The following MMP16 variants were observed in gnomAD, a reference collection of about 807,000 sequenced individuals.
MMP16 encodes the protein matrix metalloproteinase-16.
MMP16 carries 12 observed loss-of-function variants against 67.8 expected under a neutral mutation model. The ratio of observed to expected loss-of-function variants is 0.18; its 90% CI spans 0.11 to 0.29. The LOEUF is 0.29. MMP16 is among the 10% of genes least tolerant of loss of function. The pLI is 1.00. For synonymous variants in MMP16, 249 were observed against 255.9 expected (o/e 0.97, Z 0.26); for missense variants, 475 against 765.7 (o/e 0.62, Z 4.48).
At chr8:88,083,744 T>A (rs1046086165) in intron 6 of MMP16, among the ~76,000 whole-genome samples, 1 of 152,014 alleles carries the variant, frequency 6.6e-6, no homozygotes, top group Non-Finnish European at 1.5e-5. Flanking sequence ...GAATGCCTAA[T>A]GCAGAAGGGA....
intron 1 of MMP16, among the ~76,000 whole-genome samples, chr8:88,285,062 T>G (rs538527182): frequency 6.6e-6 from 1 of 152,298 alleles, no homozygotes; most frequent in East Asian, 1.9e-4. Flanking sequence ...TGTACCTCAT[T>G]TATTTGTCCA....
At chr8:88,278,956 T>G (rs1297133752) in intron 1 of MMP16, among the ~76,000 whole-genome samples, 2 of 152,146 alleles carry the variant, frequency 1.3e-5, no homozygotes, top group African/African-American at 2.4e-5. Context: ...ACTAGACTCA[T>G]GTGGCTATTG....
At chr8:88,161,647 G>T (rs1808625841) in intron 4 of MMP16, among the ~76,000 whole-genome samples, 1 of 151,944 alleles carries the variant, frequency 6.6e-6, no homozygotes, top group Non-Finnish European at 1.5e-5. Flanking sequence ...TGATGTTAGG[G>T]TGTTAATTTT....
chr8:88,286,072 A>ATT (rs1563584315), intron 1 of MMP16, among the ~76,000 whole-genome samples: 1 of 152,172 alleles, frequency 6.6e-6, no homozygotes, highest in Non-Finnish European at 1.5e-5. Context: ...ATAGGGATGC[A>ATT]TTCAAGGAGC....
At chr8:88,185,456 C>A (rs534597616) in intron 3 of MMP16, among the ~76,000 whole-genome samples, 1 of 151,810 alleles carries the variant, frequency 6.6e-6, no homozygotes. Context: ...GAAAAAAAAA[C>A]GTCGCCAAAA....
rs889441426 is a variant in MMP16 at position 88,074,534 on chromosome 8, T to C, written c.1222+71A>G. 7 of 1,402,062 alleles carry C rather than the reference T, an allele frequency of 5.0e-6. No homozygotes were observed. The African/African-American group carries it at 5.8e-5, about 12-fold the overall frequency. 86.9% of individuals were successfully genotyped at this position (1,402,062 alleles called of 1,614,324 possible). The stretch of plus-strand genomic sequence containing the variant: ...GCTATGTAATCTCATTTCATCACTT[T>C]TGTGTGCACCACAGGGTCCTATACA... On this transcript the variant is annotated intron_variant, in intron 7 of 9. Coordinates refer to ENST00000286614, the MANE Select transcript of MMP16 (RefSeq NM_005941.5).
chr8:88,178,676 C>A (rs1460394810), intron 3 of MMP16, among the ~76,000 whole-genome samples: 1 of 151,906 alleles, frequency 6.6e-6, no homozygotes, highest in African/African-American at 2.4e-5. Flanking sequence ...AAAAATTTCT[C>A]TTTTTTTAAT....
At chr8:88,150,712 G>C (rs1244226178) in intron 4 of MMP16, among the ~76,000 whole-genome samples, 1 of 141,106 alleles carries the variant, frequency 7.1e-6, no homozygotes, top group Non-Finnish European at 1.5e-5. Context: ...CCTGAAGGAA[G>C]CGCTAAACAT....
intron 6 of MMP16, among the ~76,000 whole-genome samples, chr8:88,113,788 A>T (rs1473042962): frequency 6.6e-6 from 1 of 152,010 alleles, no homozygotes; most frequent in East Asian, 1.9e-4. Context: ...CTTGAAGACT[A>T]GAATGTAATT....
rs1292325030 is a variant in MMP16, at chr8:88,118,785, G to A, written c.786C>T (p.Ala262=). ...TGTACTGGTAAAATGGAGCCATGAT[G>A]GCAGTGGGGTCATTGGAATGCTCCA... The part of the protein sequence containing the change: ...LGLEHSNDPT[A]IMAPFYQYME... Residue 262 remains alanine (A), a synonymous_variant, in exon 5 of 10, where the codon GCC becomes GCT. Coordinates refer to ENST00000286614, the MANE Select transcript of MMP16 (RefSeq NM_005941.5). The A allele has an allele frequency of 6.2e-7, 1 of 1,613,208 alleles. No individual in the cohort carries two copies. The highest frequency in any genetic ancestry group is 8.5e-7 in the Non-Finnish European group (1 of 1,179,424).
Position 88,139,974 on chromosome 8 carries a change from A to G in MMP16, c.710-21113T>C, listed in dbSNP as rs75432939. Among the ~76,000 whole-genome samples, 576 of 152,262 alleles carry G rather than the reference A, an allele frequency of 3.8e-3. 4 individuals are homozygous for G. Among genetic ancestry groups the G allele is most frequent in the Middle Eastern group, 0.034 (10 of 294 alleles). On this transcript the variant is annotated intron_variant, in intron 4 of 9. Coordinates refer to ENST00000286614, the MANE Select transcript of MMP16 (RefSeq NM_005941.5). ...CTGTATCACTGATCTCTAAAAATTT[A>G]CTGCATTTTAACAACAATAATCGTT...
chr8:88,139,888 G>C (rs1808183271), intron 4 of MMP16, among the ~76,000 whole-genome samples: 1 of 151,880 alleles, frequency 6.6e-6, no homozygotes, highest in African/African-American at 2.4e-5. Flanking sequence ...ATTTTCTTAG[G>C]TAATTTCCTA....
intron 1 of MMP16, among the ~76,000 whole-genome samples, chr8:88,214,171 G>A (rs1042856567): frequency 5.3e-5 from 8 of 152,106 alleles, no homozygotes; most frequent in African/African-American, 1.9e-4. Flanking sequence ...CATCTATCAC[G>A]TTTTCCAGCA....
intron 1 of MMP16, among the ~76,000 whole-genome samples, chr8:88,290,120 TGGGA>T (rs1810903458): frequency 1.3e-5 from 2 of 152,120 alleles, no homozygotes; most frequent in Non-Finnish European, 2.9e-5. Context: ...TTACCACAAA[TGGGA>T]AAATTCATAA....
At chr8:88,105,258 TCC>T (rs1809217976) in intron 6 of MMP16, among the ~76,000 whole-genome samples, 1 of 151,432 alleles carries the variant, frequency 6.6e-6, no homozygotes, top group Non-Finnish European at 1.5e-5. Flanking sequence ...AAAAATTTTT[TCC>T]TACTGGCCAA....
intron 4 of MMP16, among the ~76,000 whole-genome samples, chr8:88,155,700 C>G (rs1169055886): frequency 6.6e-6 from 1 of 152,042 alleles, no homozygotes; most frequent in Admixed American, 6.6e-5. Context: ...AATGGCTTAC[C>G]AAGATTTTCT....
intron 4 of MMP16, among the ~76,000 whole-genome samples, chr8:88,157,056 A>G (rs560174037): frequency 4.2e-4 from 64 of 152,220 alleles, no homozygotes; most frequent in African/African-American, 1.5e-3. Flanking sequence ...TTGTGATTAG[A>G]TGTGATCATA....
At chr8:88,213,806 C>A (rs545810042) in intron 1 of MMP16, among the ~76,000 whole-genome samples, 16 of 152,194 alleles carry the variant, frequency 1.1e-4, no homozygotes, top group African/African-American at 3.6e-4. Context: ...AAAAATTAAC[C>A]ATAAATATCA....
chr8:88,208,569 G>T (rs1411789705), intron 1 of MMP16, among the ~76,000 whole-genome samples: 2 of 152,050 alleles, frequency 1.3e-5, no homozygotes, highest in Non-Finnish European at 2.9e-5. Context: ...GACCTTTAAG[G>T]CTCATTACAC....
Sources: allele counts gnomAD v4.1 joint callset (sites outside exome capture counted in the v4.1 genomes callset), GRCh38; gene constraint gnomAD v4.1.1; transcripts MANE v1.5; gene names NCBI Gene and HGNC (gene_info 2026-07-23, HGNC 2026-07-21).